The following PALM2AKAP2 variants were observed in gnomAD, a reference collection of about 807,000 sequenced individuals.
The protein encoded by PALM2AKAP2 is PALM2-AKAP2 fusion protein.
A neutral mutation model predicts 71.5 loss-of-function variants in PALM2AKAP2; 37 were observed. The ratio of observed to expected loss-of-function variants is 0.52; its 90% CI spans 0.40 to 0.68. The LOEUF (loss-of-function observed/expected upper bound fraction) is 0.68, where lower values mean the gene tolerates loss of function less well. PALM2AKAP2 is among the 30% of genes least tolerant of loss of function. The pLI, the probability that PALM2AKAP2 is intolerant of heterozygous loss-of-function variation, is 0.00. For missense variants in PALM2AKAP2, 1,224 were observed against 1,191.8 expected (o/e 1.03, Z -0.40); for synonymous variants, 468 against 478.8 (o/e 0.98, Z 0.29).
At chr9:109,718,684 A>G (rs1182290586) in intron 1 of PALM2AKAP2, among the ~76,000 whole-genome samples, 1 of 152,140 alleles carries the variant, frequency 6.6e-6, no homozygotes, top group Admixed American at 6.6e-5. Flanking sequence ...CATCTTAACA[A>G]TACCAAGTAT....
At chr9:109,982,147 A>G (rs1328827337) in intron 6 of PALM2AKAP2, among the ~76,000 whole-genome samples, 1 of 152,258 alleles carries the variant, frequency 6.6e-6, no homozygotes, top group Non-Finnish European at 1.5e-5. Flanking sequence ...GTCATTTGCA[A>G]CAATATGGAT....
At chr9:109,804,806 G>A (rs1389005009) in intron 1 of PALM2AKAP2, among the ~76,000 whole-genome samples, 3 of 152,018 alleles carry the variant, frequency 2.0e-5, no homozygotes. Context: ...ACAAAACAGT[G>A]GAAAGAATAA....
upstream of PALM2AKAP2, among the ~76,000 whole-genome samples, chr9:109,779,738 T>C (rs1829403257): frequency 6.6e-6 from 1 of 152,224 alleles, no homozygotes; most frequent in African/African-American, 2.4e-5. Flanking sequence ...ATCTTAAGCA[T>C]GTGGGCCACT....
intron 1 of PALM2AKAP2, among the ~76,000 whole-genome samples, chr9:109,708,925 G>A (rs1828183799): frequency 6.6e-6 from 1 of 152,172 alleles, no homozygotes; most frequent in Non-Finnish European, 1.5e-5. Context: ...ACGTCAGGAA[G>A]GCTGTGCAGG....
At chr9:109,892,804 A>T (rs1830116579) in intron 3 of PALM2AKAP2, among the ~76,000 whole-genome samples, 1 of 152,140 alleles carries the variant, frequency 6.6e-6, no homozygotes, top group Non-Finnish European at 1.5e-5. Context: ...AATAATAAAG[A>T]TCAACTTTAT....
In PALM2AKAP2 at chr9:109,961,865, G is replaced by A. The variant is rs189155181; in HGVS notation, c.496+29837G>A. On this transcript the variant is annotated intron_variant, in intron 6 of 9. Transcript: ENST00000302798. ...TTTGATCAGTTTCATATTCCTGTGG[G>A]TACTAATGAAAAGGAACAGCAGAAC... Among the ~76,000 whole-genome samples the A allele has an allele frequency of 7.5e-3, 1,136 of 152,210 alleles. 7 individuals carry two copies. Among genetic ancestry groups the A allele is most frequent in the Non-Finnish European group, 0.014 (920 of 68,018 alleles).
At chr9:109,811,711 A>G (rs1827731664) in intron 1 of PALM2AKAP2, among the ~76,000 whole-genome samples, 1 of 152,136 alleles carries the variant, frequency 6.6e-6, no homozygotes, top group Non-Finnish European at 1.5e-5. Flanking sequence ...AGCTGTGACT[A>G]CAGGTGTGTG....
At chr9:109,700,875 A>G (rs577618566) in intron 1 of PALM2AKAP2, among the ~76,000 whole-genome samples, 1 of 152,346 alleles carries the variant, frequency 6.6e-6, no homozygotes, top group African/African-American at 2.4e-5. Flanking sequence ...ACCAAATAAA[A>G]TTAGCCTTTC....
chr9:110,042,115 C>T (rs260209), intron 7 of PALM2AKAP2, among the ~76,000 whole-genome samples: 18,876 of 152,120 alleles, frequency 0.12, 1,522 homozygotes, highest in East Asian at 0.28. Flanking sequence ...ATGTGCATTC[C>T]GAAAGTTGAT....
chr9:110,036,926 G>A (rs1418836520), intron 7 of PALM2AKAP2, among the ~76,000 whole-genome samples: 4 of 151,976 alleles, frequency 2.6e-5, no homozygotes, highest in Admixed American at 1.3e-4. Context: ...GTCTGTTCTT[G>A]ACCATTACAT....
chr9:109,869,087 A>C (rs1396715806), intron 2 of PALM2AKAP2, among the ~76,000 whole-genome samples: 2 of 152,210 alleles, frequency 1.3e-5, no homozygotes, highest in African/African-American at 4.8e-5. Context: ...AAGAGGACCG[A>C]ATGAAAAAAG....
intron 1 of PALM2AKAP2, among the ~76,000 whole-genome samples, chr9:109,850,453 T>C (rs1276554053): frequency 6.6e-6 from 1 of 152,158 alleles, no homozygotes; most frequent in Non-Finnish European, 1.5e-5. Context: ...TCGTCCCTTT[T>C]GACCTAGTTT....
intron 1 of PALM2AKAP2, among the ~76,000 whole-genome samples, chr9:109,862,219 T>G (rs1038351808): frequency 3.3e-5 from 5 of 152,224 alleles, no homozygotes. Context: ...TTGTCAGTAC[T>G]CTTTGAGTTG....
At chr9:109,872,557 G>A (rs188310192) in intron 2 of PALM2AKAP2, among the ~76,000 whole-genome samples, 7 of 152,244 alleles carry the variant, frequency 4.6e-5, no homozygotes, top group Admixed American at 2.6e-4. Context: ...ATTCATGAGC[G>A]GGGAACCCTC....
intron 3 of PALM2AKAP2, among the ~76,000 whole-genome samples, chr9:109,917,148 C>T (rs1444343459): frequency 6.6e-6 from 1 of 152,116 alleles, no homozygotes; most frequent in Non-Finnish European, 1.5e-5. Context: ...CAGAGAGATG[C>T]AACAGTGCTG....
intron 3 of PALM2AKAP2, among the ~76,000 whole-genome samples, chr9:109,895,998 A>G (rs1460433137): frequency 2.6e-5 from 4 of 152,136 alleles, no homozygotes; most frequent in Non-Finnish European, 5.9e-5. Context: ...AGCTTGGCCA[A>G]CATGGTGAAA....
chr9:110,150,979 AC>A (rs1257740542), intron 2 of PALM2AKAP2, among the ~76,000 whole-genome samples: 5 of 152,186 alleles, frequency 3.3e-5, no homozygotes, highest in African/African-American at 1.2e-4. Flanking sequence ...GCCATAGCTA[AC>A]TTAACCATTC....
intron 1 of PALM2AKAP2, among the ~76,000 whole-genome samples, chr9:109,687,151 C>T (rs1203154872): frequency 5.3e-5 from 8 of 152,028 alleles, no homozygotes; most frequent in African/African-American, 9.7e-5. Context: ...AGAGTAGATT[C>T]GCATAATTCT....
chr9:109,708,047 G>C (rs1828169699), intron 1 of PALM2AKAP2, among the ~76,000 whole-genome samples: 1 of 152,026 alleles, frequency 6.6e-6, no homozygotes, highest in South Asian at 2.1e-4. Context: ...CAGAACAAAA[G>C]GTCCCACTCC....
Sources: allele counts gnomAD v4.1 joint callset (sites outside exome capture counted in the v4.1 genomes callset), GRCh38; gene constraint gnomAD v4.1.1; transcripts MANE v1.5; gene names NCBI Gene and HGNC (gene_info 2026-07-23, HGNC 2026-07-21).